Variants in P2RY8 observed in about 807,000 individuals in gnomAD.
P2RY8 encodes the protein P2Y receptor family member 8.
A neutral mutation model predicts 10.0 loss-of-function variants in P2RY8; 6 were observed. The observed-to-expected ratio is 0.60, with a 90% CI of 0.33 to 1.19. The LOEUF is 1.19. Ranked by LOEUF, P2RY8 falls within the 50% of genes most tolerant of loss-of-function variation. The pLI, the probability that P2RY8 is intolerant of heterozygous loss-of-function variation, is 0.04. For missense variants in P2RY8, 456 were observed against 542.0 expected, an observed-to-expected ratio of 0.84 and a Z score of 1.58; for synonymous variants, 276 against 252.5, an observed-to-expected ratio of 1.09 and a Z score of -0.88.
intron 1 of P2RY8, among the ~76,000 whole-genome samples, chrX:1,508,582 A>ATGTATCTATC (rs1436910496): frequency 1.6e-4 from 24 of 150,228 alleles, no homozygotes; most frequent in African/African-American, 4.6e-4. Context: ...TCTATCATCT[A>ATGTATCTATC]TGTATCTATC....
intron 1 of P2RY8, among the ~76,000 whole-genome samples, chrX:1,487,745 T>G (rs2091999146): frequency 6.6e-6 from 1 of 152,096 alleles, no homozygotes; most frequent in Non-Finnish European, 1.5e-5. Context: ...TGGAGCATAG[T>G]CCTGGCCTGC....
In P2RY8 at chrX:1,509,183, CTA is replaced by C. The variant is rs2092270007; in HGVS notation, c.-25+27736_-25+27737del. ...CCATTCTATCTATCTATCTATCTAT[CTA>C]TCTATCCATCTATGTATCTACCTAT... On this transcript the variant is annotated intron_variant, in intron 1 of 1. Transcript: ENST00000381297. Among the ~76,000 whole-genome samples, 5 of 143,178 alleles carry C rather than the reference CTA, an allele frequency of 3.5e-5. No homozygotes were observed. In the East Asian group the frequency reaches 8.1e-4, roughly 23 times the overall value. 93.9% of individuals were successfully genotyped at this position (143,178 alleles called of 152,430 possible). A position where few individuals can be genotyped will look rare whatever the true frequency, so the allele number is the denominator to read the frequency against.
At chrX:1,479,126 A>C (rs1452524137) in intron 1 of P2RY8, among the ~76,000 whole-genome samples, 3 of 152,230 alleles carry the variant, frequency 2.0e-5, no homozygotes, top group Non-Finnish European at 1.5e-5. Flanking sequence ...AATAAAGAGA[A>C]ATAGAGAGCT....
chrX:1,532,986 G>C (rs1293243273), intron 1 of P2RY8, among the ~76,000 whole-genome samples: 1 of 97,310 alleles, frequency 1.0e-5, no homozygotes, highest in Admixed American at 1.8e-4. Flanking sequence ...CTGGGCAACA[G>C]AGTGAAACTC....
chrX:1,521,560 G>A (rs1359983452), intron 1 of P2RY8, among the ~76,000 whole-genome samples: 1 of 152,164 alleles, frequency 6.6e-6, no homozygotes, highest in Admixed American at 6.5e-5. Flanking sequence ...AGGAACCTTG[G>A]CATCAAAGTC....
intron 1 of P2RY8, among the ~76,000 whole-genome samples, chrX:1,535,693 C>CCACACA (rs779177116): frequency 1.6e-5 from 2 of 125,984 alleles, no homozygotes; most frequent in African/African-American, 6.1e-5. Context: ...GAAGAAACAA[C>CCACACA]CACACACACA....
At chrX:1,509,812 TCTA>T (rs1569538173) in intron 1 of P2RY8, among the ~76,000 whole-genome samples, 6 of 92,222 alleles carry the variant, frequency 6.5e-5, no homozygotes, top group Admixed American at 2.0e-4. Flanking sequence ...TATCTATCTA[TCTA>T]TCTATCTATC....
intron 1 of P2RY8, among the ~76,000 whole-genome samples, chrX:1,490,396 T>C (rs1343381769): frequency 2.0e-5 from 3 of 149,932 alleles, no homozygotes; most frequent in East Asian, 3.9e-4. Context: ...GTGGAGGGAA[T>C]GAATGAATGA....
chrX:1,512,531 A>G (rs1228156675), intron 1 of P2RY8, among the ~76,000 whole-genome samples: 1 of 122,590 alleles, frequency 8.2e-6, no homozygotes, highest in East Asian at 2.6e-4. Context: ...TGGGCAACAG[A>G]GTGAGACTCC....
chrX:1,534,509 C>A (rs1477723138), intron 1 of P2RY8, among the ~76,000 whole-genome samples: 2 of 151,962 alleles, frequency 1.3e-5, no homozygotes, highest in Non-Finnish European at 2.9e-5. Flanking sequence ...TGCAGAATCT[C>A]CTAACCCGAG....
intron 1 of P2RY8, among the ~76,000 whole-genome samples, chrX:1,500,794 C>T (rs1474348689): frequency 3.9e-5 from 6 of 152,052 alleles, no homozygotes; most frequent in Non-Finnish European, 7.4e-5. Flanking sequence ...TCTGAGCCGC[C>T]GCCACCCCCA....
intron 1 of P2RY8, among the ~76,000 whole-genome samples, chrX:1,495,774 T>G (rs2092110811): frequency 8.6e-6 from 1 of 115,826 alleles, no homozygotes; most frequent in East Asian, 3.6e-4. Context: ...TGCCCATACC[T>G]GGATCTCAGA....
At chrX:1,511,381 G>T (rs1397494669) in intron 1 of P2RY8, among the ~76,000 whole-genome samples, 1 of 152,016 alleles carries the variant, frequency 6.6e-6, no homozygotes, top group Admixed American at 6.6e-5. Context: ...AGTATGCTTG[G>T]TCATCTCATT....
At chrX:1,474,017 G>T (rs2091840480) in intron 1 of P2RY8, among the ~76,000 whole-genome samples, 1 of 151,176 alleles carries the variant, frequency 6.6e-6, no homozygotes, top group African/African-American at 2.4e-5. Context: ...ATGGGTGGGT[G>T]GATGGGAGGG....
At chrX:1,524,793 TCATCCATCCACTCATCCATC>T (rs2092427422) in intron 1 of P2RY8, among the ~76,000 whole-genome samples, 1 of 33,614 alleles carries the variant, frequency 3.0e-5, no homozygotes, top group Non-Finnish European at 6.0e-5. Flanking sequence ...ACTCATCCAT[TCATCCATCCACTCATCCATC>T]CATCCATCCA....
intron 1 of P2RY8, among the ~76,000 whole-genome samples, chrX:1,502,617 AT>A (rs1284392904): frequency 6.6e-6 from 1 of 152,120 alleles, no homozygotes; most frequent in South Asian, 2.1e-4. Flanking sequence ...CCCCAGAGAT[AT>A]GTCCGTGTCC....
intron 1 of P2RY8, among the ~76,000 whole-genome samples, chrX:1,480,296 CT>C (rs10715183): frequency 0.44 from 65,084 of 146,954 alleles, 14,268 homozygotes; most frequent in South Asian, 0.65. Context: ...TCTTTTCTTT[CT>C]TTTTTTTTTT....
rs1224883281 is a variant in P2RY8 at position 1,508,700 on chromosome X, TCCATTCTATCTA to T, written c.-25+28209_-25+28220del. ...TATCCATCATCCATCCATCCATCCA[TCCATTCTATCTA>T]TCTATCTATCTATCTATCTATCTAT... On this transcript the variant is annotated intron_variant, in intron 1 of 1. Transcript: ENST00000381297. Among the ~76,000 whole-genome samples, 102 of 91,422 alleles carry T rather than the reference TCCATTCTATCTA, an allele frequency of 1.1e-3. 2 individuals are homozygous for T. Among genetic ancestry groups the T allele is most frequent in the African/African-American group, 3.8e-3 (94 of 24,670 alleles). 60.0% of individuals were successfully genotyped at this position (91,422 alleles called of 152,430 possible).
intron 1 of P2RY8, among the ~76,000 whole-genome samples, chrX:1,519,963 T>C (rs778931097): frequency 6.6e-6 from 1 of 151,838 alleles, no homozygotes; most frequent in Admixed American, 6.6e-5. Flanking sequence ...ATCTCTCTGG[T>C]CCCCAATATT....
Sources: allele counts gnomAD v4.1 joint callset (sites outside exome capture counted in the v4.1 genomes callset), GRCh38; gene constraint gnomAD v4.1.1; transcripts MANE v1.5; gene names NCBI Gene and HGNC (gene_info 2026-07-23, HGNC 2026-07-21).